Variants in JPH1 observed in about 807,000 individuals in gnomAD.
JPH1 encodes the protein junctophilin-1.
In JPH1, 12 loss-of-function variants were observed where a neutral mutation model predicts 53.6. That is an observed-to-expected ratio of 0.22 (90% CI 0.14 to 0.36). The LOEUF (loss-of-function observed/expected upper bound fraction) is 0.36. Ranked by LOEUF, JPH1 falls within the 10% of genes least tolerant of loss-of-function variation. The probability of loss-of-function intolerance (pLI) is 1.00; values close to 1 mark genes in which losing one functional copy is unlikely to be tolerated. For synonymous variants in JPH1, 375 were observed against 363.8 expected (o/e 1.03, Z -0.35); for missense variants, 808 against 905.5 (o/e 0.89, Z 1.38).
At chr8:74,272,907 C>T (rs7816570) in intron 2 of JPH1, among the ~76,000 whole-genome samples, 10,662 of 146,262 alleles carry the variant, frequency 0.073, 958 homozygotes, top group African/African-American at 0.21. Context: ...CCCGGCCGGA[C>T]CCTTAGTTCT....
chr8:74,303,842 A>T (rs1807753641), intron 2 of JPH1, among the ~76,000 whole-genome samples: 1 of 152,140 alleles, frequency 6.6e-6, no homozygotes, highest in Non-Finnish European at 1.5e-5. Flanking sequence ...AAAGATGATG[A>T]TGTAATTCTG....
Position 74,254,331 on chromosome 8 carries a change from C to A in JPH1, c.1258+5054G>T, listed in dbSNP as rs542962772. Among the ~76,000 whole-genome samples the A allele has an allele frequency of 2.9e-3, 438 of 152,140 alleles. 7 individuals are homozygous for A. The highest frequency in any genetic ancestry group is 9.9e-3 in the African/African-American group (410 of 41,432). ...CAATAGATGCAGAAAAGGCCTTTGACAAAATTCAACAACTCTTCATGCTAA... is the reference window on the plus strand; with the variant it reads ...CAATAGATGCAGAAAAGGCCTTTGAAAAAATTCAACAACTCTTCATGCTAA... On this transcript the variant is annotated intron_variant, in intron 3 of 5. Transcript: ENST00000342232.
At chr8:74,260,998 C>T (rs1228670992) in intron 2 of JPH1, among the ~76,000 whole-genome samples, 1 of 152,122 alleles carries the variant, frequency 6.6e-6, no homozygotes, top group Non-Finnish European at 1.5e-5. Context: ...ATGAATGATG[C>T]TTCCTTAGGA....
intron 2 of JPH1, among the ~76,000 whole-genome samples, chr8:74,266,821 C>T (rs1026190550): frequency 6.6e-6 from 1 of 152,174 alleles, no homozygotes; most frequent in Non-Finnish European, 1.5e-5. Context: ...TAGCTGCATG[C>T]AACCCAGCCC....
At chr8:74,274,352 G>A (rs773811394) in intron 2 of JPH1, among the ~76,000 whole-genome samples, 3 of 152,288 alleles carry the variant, frequency 2.0e-5, no homozygotes, top group Admixed American at 6.5e-5. Context: ...AGCTGAGCAC[G>A]GCTGGAATAT....
chr8:74,312,141 T>C (rs1443038211), intron 2 of JPH1, among the ~76,000 whole-genome samples: 1 of 152,248 alleles, frequency 6.6e-6, no homozygotes, highest in African/African-American at 2.4e-5. Flanking sequence ...AAGTAAAATA[T>C]AGAAGGTTAA....
chr8:74,267,275 A>G (rs956438403), intron 2 of JPH1, among the ~76,000 whole-genome samples: 2 of 152,234 alleles, frequency 1.3e-5, no homozygotes, highest in African/African-American at 4.8e-5. Context: ...GTGAGTCAAA[A>G]AAGCAAAGAA....
At chr8:74,285,830 A>G (rs773992398) in intron 2 of JPH1, among the ~76,000 whole-genome samples, 5 of 152,242 alleles carry the variant, frequency 3.3e-5, no homozygotes, top group Non-Finnish European at 5.9e-5. Context: ...ATCTGCATCA[A>G]AGAGGATAAA....
At chr8:74,249,261 T>G (rs148727766) in intron 3 of JPH1, among the ~76,000 whole-genome samples, 14 of 152,334 alleles carry the variant, frequency 9.2e-5, no homozygotes, top group African/African-American at 3.1e-4. Flanking sequence ...CAATATCAAA[T>G]GCTTTGTAGC....
At chr8:74,312,040 C>T (rs1808012105) in intron 2 of JPH1, among the ~76,000 whole-genome samples, 1 of 152,100 alleles carries the variant, frequency 6.6e-6, no homozygotes, top group Non-Finnish European at 1.5e-5. Context: ...CCTTTAACTG[C>T]TTCCTCCAAA....
chr8:74,243,956 T>C (rs1405587547), intron 4 of JPH1, among the ~76,000 whole-genome samples: 1 of 152,206 alleles, frequency 6.6e-6, no homozygotes, highest in South Asian at 2.1e-4. Flanking sequence ...TCTCTTGAAC[T>C]GTTGGAAATT....
chr8:74,301,172 G>A (rs1012542802), intron 2 of JPH1, among the ~76,000 whole-genome samples: 13 of 152,032 alleles, frequency 8.6e-5, no homozygotes, highest in African/African-American at 3.1e-4. Context: ...CCCTCAACCA[G>A]GGTCTTTTAT....
intron 2 of JPH1, among the ~76,000 whole-genome samples, chr8:74,278,604 T>C (rs1200982129): frequency 6.6e-6 from 1 of 152,242 alleles, no homozygotes; most frequent in Non-Finnish European, 1.5e-5. Flanking sequence ...TCCTACCTTT[T>C]AGTCAACAGG....
chr8:74,316,782 AT>A (rs1385017868), intron 1 of JPH1, among the ~76,000 whole-genome samples: 6 of 152,256 alleles, frequency 3.9e-5, no homozygotes, highest in Non-Finnish European at 8.8e-5. Context: ...ACATTAAAAA[AT>A]AACCTGGTAC....
At chr8:74,286,051 G>C (rs554213599) in intron 2 of JPH1, among the ~76,000 whole-genome samples, 1 of 152,074 alleles carries the variant, frequency 6.6e-6, no homozygotes, top group East Asian at 1.9e-4. Flanking sequence ...TGTAAATACA[G>C]GGCAAGAACC....
intron 3 of JPH1, among the ~76,000 whole-genome samples, chr8:74,254,401 G>A (rs1372223680): frequency 6.6e-6 from 1 of 151,966 alleles, no homozygotes; most frequent in Non-Finnish European, 1.5e-5. Flanking sequence ...TCTCAAAATA[G>A]TAAGAGCTAT....
rs1028305554 is a variant in JPH1 at position 74,306,941 on chromosome 8, C to T, written c.1139+7920G>A. 5.3e-5 allele frequency among the ~76,000 whole-genome samples: 8 copies of T among 151,834 alleles called. No homozygotes were observed. In the East Asian group the frequency reaches 9.7e-4, roughly 18 times the overall value. On this transcript the variant is annotated intron_variant, in intron 2 of 5. Coordinates refer to ENST00000342232, the MANE Select transcript of JPH1 (RefSeq NM_020647.4). ...TAAAGGTAAGACCTTTATTATCCTA[C>T]GTTATCTTCAGAATAGTACCTGGGG...
chr8:74,287,412 T>C (rs1807198696), intron 2 of JPH1, among the ~76,000 whole-genome samples: 1 of 148,980 alleles, frequency 6.7e-6, no homozygotes, highest in Admixed American at 6.6e-5. Flanking sequence ...AGAGCGAGAC[T>C]CTGTCTCAAA....
rs143758201 is a variant in JPH1, at chr8:74,289,911, G to A, written c.1139+24950C>T. On this transcript the variant is annotated intron_variant, in intron 2 of 5. Coordinates refer to ENST00000342232, the MANE Select transcript of JPH1 (RefSeq NM_020647.4). Reference sequence around the variant, plus strand: ...ATGCTGAACCAGCCTTGCATCCCAGGGATAAAGCCAACTTGATCGTGGTGG... The same window carrying A: ...ATGCTGAACCAGCCTTGCATCCCAGAGATAAAGCCAACTTGATCGTGGTGG... Among the ~76,000 whole-genome samples, 924 of 152,256 alleles carry A rather than the reference G, an allele frequency of 6.1e-3. 14 individuals carry two copies. Among genetic ancestry groups the A allele is most frequent in the African/African-American group, 0.02 (841 of 41,544 alleles).
Sources: allele counts gnomAD v4.1 joint callset (sites outside exome capture counted in the v4.1 genomes callset), GRCh38; gene constraint gnomAD v4.1.1; transcripts MANE v1.5; gene names NCBI Gene and HGNC (gene_info 2026-07-23, HGNC 2026-07-21).